PARP15: variants seen among roughly 807,000 people sequenced by gnomAD.
PARP15 encodes poly(ADP-ribose) polymerase family member 15.
Under a neutral mutation model 62.1 loss-of-function variants are expected in PARP15, and 50 were observed. The observed-to-expected ratio is 0.81, with a 90% CI of 0.64 to 1.02. PARP15 has a LOEUF of 1.02. Ranked by LOEUF, PARP15 falls within the 50% of genes least tolerant of loss-of-function variation. The probability of loss-of-function intolerance (pLI) is 0.00; values close to 1 mark genes in which losing one functional copy is unlikely to be tolerated. For missense variants in PARP15, 820 were observed against 826.5 expected, an observed-to-expected ratio of 0.99 and a Z score of 0.10; for synonymous variants, 309 against 293.1, an observed-to-expected ratio of 1.05 and a Z score of -0.55.
At position 122,631,563 on chromosome 3, in the gene PARP15, G is replaced by T. The variant is rs553231441; in HGVS notation, c.1439-523G>T. Among the ~76,000 whole-genome samples, 4 of 152,306 alleles carry T rather than the reference G, an allele frequency of 2.6e-5. No homozygotes were observed. In the East Asian group the frequency reaches 7.7e-4, roughly 29 times the overall value. Reference sequence around the variant, plus strand: ...AAGCCACTGAAAACAAAGGAAACCCGGGCATGATCACCTTATGGGAAAGCA... The same window carrying T: ...AAGCCACTGAAAACAAAGGAAACCCTGGCATGATCACCTTATGGGAAAGCA... On this transcript the variant is annotated intron_variant, in intron 9 of 11. Transcript: ENST00000464300.
chr3:122,616,434 A>G (rs888711073), intron 5 of PARP15, among the ~76,000 whole-genome samples: 1 of 151,306 alleles, frequency 6.6e-6, no homozygotes, highest in Admixed American at 6.6e-5. Context: ...GGTTCAAGCA[A>G]TCCTCCTGCT....
intron 2 of PARP15, among the ~76,000 whole-genome samples, chr3:122,609,293 T>C (rs115835063): frequency 0.016 from 2,467 of 152,312 alleles, 66 homozygotes; most frequent in African/African-American, 0.054. Context: ...ATTATATAAG[T>C]GGATCCAAGA....
chr3:122,581,636 A>G (rs2080803205), intron 1 of PARP15, among the ~76,000 whole-genome samples: 1 of 152,180 alleles, frequency 6.6e-6, no homozygotes, highest in African/African-American at 2.4e-5. Context: ...TATGTTCTGA[A>G]TATTAACCTC....
At chr3:122,594,568 T>C in intron 1 of PARP15, 3 of 978,946 alleles carry the variant, frequency 3.1e-6, no homozygotes, top group South Asian at 4.7e-5. Flanking sequence ...TAGGGTAAGT[T>C]GAAATTGATA....
At chr3:122,602,202 C>T (rs1934852676) in intron 1 of PARP15, among the ~76,000 whole-genome samples, 2 of 152,090 alleles carry the variant, frequency 1.3e-5, no homozygotes, top group African/African-American at 4.8e-5. Context: ...CTGTTAAGGA[C>T]TCACACTTGG....
intron 1 of PARP15, among the ~76,000 whole-genome samples, chr3:122,593,275 A>G (rs1934089257): frequency 6.6e-6 from 1 of 152,032 alleles, no homozygotes; most frequent in Admixed American, 6.6e-5. Context: ...AGTAGCTAGG[A>G]TTACAGATGC....
intron 8 of PARP15, among the ~76,000 whole-genome samples, chr3:122,624,034 T>C (rs1162620766): frequency 6.6e-6 from 1 of 151,774 alleles, no homozygotes; most frequent in Non-Finnish European, 1.5e-5. Context: ...ACCTCTAGTC[T>C]CAGCTACTCA....
At chr3:122,585,966 A>G (rs1933396671) in intron 1 of PARP15, among the ~76,000 whole-genome samples, 1 of 152,256 alleles carries the variant, frequency 6.6e-6, no homozygotes, top group East Asian at 1.9e-4. Context: ...TAGATCTTCT[A>G]TTTGCTTTAT....
chr3:122,577,964 C>T (rs894512021), intron 1 of PARP15, 111 bp downstream of exon 1: 1 of 1,220,100 alleles, frequency 8.2e-7, no homozygotes, highest in Non-Finnish European at 1.1e-6. Flanking sequence ...GCACAACCCT[C>T]TCTTCTAGGG....
chr3:122,599,546 C>CTT (rs200837429), intron 1 of PARP15, among the ~76,000 whole-genome samples: 12,663 of 124,022 alleles, frequency 0.1, 541 homozygotes, highest in Non-Finnish European at 0.12. Context: ...TCCTTTCTCT[C>CTT]TCTTTCTTTC....
chr3:122,604,020 T>C (rs1311331681), intron 1 of PARP15, among the ~76,000 whole-genome samples: 3 of 152,200 alleles, frequency 2.0e-5, no homozygotes, highest in East Asian at 3.9e-4. Context: ...AGAATGCTGA[T>C]ATGGATTAGT....
intron 7 of PARP15, among the ~76,000 whole-genome samples, chr3:122,620,377 T>TAGTG (rs974326133): frequency 7.9e-5 from 12 of 152,134 alleles, no homozygotes; most frequent in African/African-American, 2.9e-4. Flanking sequence ...GAACCTAAGG[T>TAGTG]AGTGATTATA....
chr3:122,634,091 T>G (rs1937213313), intron 10 of PARP15, among the ~76,000 whole-genome samples: 1 of 152,196 alleles, frequency 6.6e-6, no homozygotes, highest in East Asian at 1.9e-4. Flanking sequence ...CTTTTATGGC[T>G]TGGATTCTCC....
intron 2 of PARP15, among the ~76,000 whole-genome samples, 195 bp from the exon 3 acceptor site, chr3:122,610,299 T>C (rs1935469049): frequency 1.3e-5 from 2 of 152,244 alleles, no homozygotes; most frequent in Admixed American, 6.5e-5. Context: ...CCTTAATGTC[T>C]AAGTTTTGGA....
intron 1 of PARP15, among the ~76,000 whole-genome samples, chr3:122,581,031 G>A (rs7644249): frequency 0.37 from 56,531 of 152,024 alleles, 10,942 homozygotes; most frequent in Admixed American, 0.46. Context: ...TGTAGCCTAG[G>A]AGCAATAGAC....
rs577886870 is a variant in PARP15 at position 122,637,883 on chromosome 3, T to G, written c.*1783T>G. On this transcript the variant is annotated 3_prime_UTR_variant, in exon 12 of 12. Transcript: ENST00000464300. ...TTACATATGTAAACATGTGCCATGTTGGTGTGCTGCACCCAGTAACTCATC... is the reference window on the plus strand; with the variant it reads ...TTACATATGTAAACATGTGCCATGTGGGTGTGCTGCACCCAGTAACTCATC... 6.6e-6 allele frequency: 1 copy of G among 152,314 alleles called. No homozygotes were observed. Among genetic ancestry groups the G allele is most frequent in the South Asian group, 2.1e-4 (1 of 4,822 alleles). 9.4% of individuals were successfully genotyped at this position (152,314 alleles called of 1,614,324 possible). A position where few individuals can be genotyped will look rare whatever the true frequency, so the allele number is the denominator to read the frequency against.
chr3:122,617,710 A>G (rs979835016), intron 6 of PARP15, among the ~76,000 whole-genome samples: 26 of 152,112 alleles, frequency 1.7e-4, no homozygotes, highest in African/African-American at 6.3e-4. Flanking sequence ...ATTAATTTAT[A>G]ACTTATACAC....
intron 1 of PARP15, among the ~76,000 whole-genome samples, chr3:122,601,239 G>T (rs1934777374): frequency 6.6e-6 from 1 of 151,952 alleles, no homozygotes; most frequent in Non-Finnish European, 1.5e-5. Context: ...GGCCAGGCTG[G>T]TCTCAAACGC....
In PARP15 at chr3:122,634,967, T is replaced by C. The variant is rs1160974081; in HGVS notation, c.1573-53T>C. On this transcript the variant is annotated intron_variant, in intron 10 of 11. Transcript: ENST00000464300. ...TATTTTAAATCCACAACAAGTACAATATACTGAGCCCCAAGGTCCTTTCTG... is the reference window on the plus strand; with the variant it reads ...TATTTTAAATCCACAACAAGTACAACATACTGAGCCCCAAGGTCCTTTCTG... 4 of 1,543,840 alleles carry C rather than the reference T, an allele frequency of 2.6e-6. No homozygotes were observed. The East Asian group carries it at 9.0e-5, about 35-fold the overall frequency.
Sources: allele counts gnomAD v4.1 joint callset (sites outside exome capture counted in the v4.1 genomes callset), GRCh38; gene constraint gnomAD v4.1.1; transcripts MANE v1.5; gene names NCBI Gene and HGNC (gene_info 2026-07-23, HGNC 2026-07-21).